The following ODAD2 variants were observed in gnomAD, a reference collection of about 807,000 sequenced individuals.
The protein encoded by ODAD2 is outer dynein arm docking complex subunit 2.
ODAD2 carries 89 observed loss-of-function variants against 106.8 expected under a neutral mutation model. That is an observed-to-expected ratio of 0.83 (90% CI 0.70 to 0.99). The LOEUF is 0.99. Among genes scored for constraint, ODAD2 ranks in the 50% least tolerant of loss-of-function variants. ODAD2 has a pLI of 0.00. For synonymous variants in ODAD2, 404 were observed against 436.2 expected (o/e 0.93, Z 0.92); for missense variants, 1,168 against 1,238.5 (o/e 0.94, Z 0.85).
At chr10:27,960,326 A>G in intron 10 of ODAD2, among the ~76,000 whole-genome samples, 1 of 110,206 alleles carries the variant, frequency 9.1e-6, no homozygotes, top group South Asian at 2.9e-4. Context: ...TATTATTATT[A>G]TTATTATTAT....
intron 4 of ODAD2, 89 bp from the exon 5 acceptor site, chr10:27,984,379 T>C (rs1849746430): frequency 5.5e-6 from 5 of 905,894 alleles, no homozygotes; most frequent in Non-Finnish European, 8.6e-6. Context: ...AGGAGAAATA[T>C]CTTTTTTGTA....
chr10:27,889,633 C>T (rs891544633), intron 17 of ODAD2, among the ~76,000 whole-genome samples: 6 of 152,124 alleles, frequency 3.9e-5, no homozygotes, highest in African/African-American at 1.4e-4. Flanking sequence ...TCCCTCAGTC[C>T]CACTGTCCCA....
chr10:27,878,009 G>C (rs927475827), intron 17 of ODAD2, among the ~76,000 whole-genome samples: 2 of 152,088 alleles, frequency 1.3e-5, no homozygotes, highest in African/African-American at 4.8e-5. Flanking sequence ...ACTATACACT[G>C]TGCACTTAAG....
At chr10:27,840,743 A>T (rs1589797208) in intron 19 of ODAD2, among the ~76,000 whole-genome samples, 2 of 152,222 alleles carry the variant, frequency 1.3e-5, no homozygotes, top group Admixed American at 1.3e-4. Flanking sequence ...GGCAGTTGGA[A>T]AAAAGATGCT....
intron 2 of ODAD2, among the ~76,000 whole-genome samples, chr10:27,991,708 A>G (rs1285649831): frequency 6.6e-6 from 1 of 152,190 alleles, no homozygotes; most frequent in African/African-American, 2.4e-5. Flanking sequence ...ACCCACAAGG[A>G]GAGGCATCCT....
chr10:27,993,369 G>A (rs1850345432), intron 2 of ODAD2, among the ~76,000 whole-genome samples: 1 of 152,188 alleles, frequency 6.6e-6, no homozygotes, highest in Admixed American at 6.5e-5. Context: ...AAGATTTCAG[G>A]CCGGGCGTGG....
At chr10:27,977,691 T>C (rs565871641) in intron 7 of ODAD2, among the ~76,000 whole-genome samples, 2 of 151,814 alleles carry the variant, frequency 1.3e-5, no homozygotes, top group Non-Finnish European at 2.9e-5. Flanking sequence ...CTGTTGCAAC[T>C]CAATAAAAAA....
intron 17 of ODAD2, among the ~76,000 whole-genome samples, chr10:27,872,047 A>C (rs941883074): frequency 1.3e-5 from 2 of 152,170 alleles, no homozygotes; most frequent in Non-Finnish European, 2.9e-5. Context: ...AGTGGTTTGC[A>C]GTTCTCCTTG....
At chr10:27,947,194 T>C (rs1846997136) in intron 10 of ODAD2, among the ~76,000 whole-genome samples, 1 of 152,174 alleles carries the variant, frequency 6.6e-6, no homozygotes, top group African/African-American at 2.4e-5. Flanking sequence ...AATCCTCTCT[T>C]TATAACTGTC....
Position 27,984,267 on chromosome 10 carries a change from G to A in ODAD2, c.599C>T (p.Thr200Met), listed in dbSNP as rs780980740. The stretch of plus-strand genomic sequence containing the variant: ...GAGCAGTTCTATATCCTTCTTCACC[G>A]TCATGGGACTTAAACTTATTTCTCT... ...ISLEISLSPM[T>M]VKKDIELLKR... The change falls in exon 5 of 20, where the codon ACG becomes ATG. Residue 200 changes from threonine (T) to methionine (M), a missense_variant. Thr to Met is a moderately conservative substitution (Grantham distance 81). This residue lies in a region of ODAD2 where 430 missense variants were observed against 452.2 expected (regional missense o/e 0.95). Transcript: ENST00000305242. 5.0e-6 allele frequency: 8 copies of A among 1,612,312 alleles called. No homozygotes were observed. The highest frequency in any genetic ancestry group is 2.2e-5 in the East Asian group (1 of 44,824).
intron 17 of ODAD2, among the ~76,000 whole-genome samples, chr10:27,896,277 T>C (rs1340485915): frequency 6.6e-6 from 1 of 152,214 alleles, no homozygotes; most frequent in East Asian, 1.9e-4. Flanking sequence ...CAGTGCTCAT[T>C]GTTGAAATAA....
chr10:27,887,096 T>C (rs1454978047), intron 17 of ODAD2, among the ~76,000 whole-genome samples: 1 of 151,972 alleles, frequency 6.6e-6, no homozygotes, highest in African/African-American at 2.4e-5. Context: ...AAAACAATTC[T>C]ACAATATATT....
At chr10:27,859,387 T>A (rs565576552) in intron 19 of ODAD2, among the ~76,000 whole-genome samples, 1 of 152,270 alleles carries the variant, frequency 6.6e-6, no homozygotes, top group South Asian at 2.1e-4. Flanking sequence ...TTCAGAAAAA[T>A]TAACATCATA....
chr10:27,941,680 T>G (rs1192463827), intron 12 of ODAD2, among the ~76,000 whole-genome samples: 2 of 148,788 alleles, frequency 1.3e-5, no homozygotes, highest in Admixed American at 1.4e-4. Flanking sequence ...TTAAGCAGTA[T>G]GTCAGGTTGC....
In ODAD2 at chr10:27,985,215, C is replaced by T. The variant is rs1348148762; in HGVS notation, c.383-4G>A. ...TTTACTATGGGGTCTCTGTTAGCTG[C>T]CAAAAAAAAAAAAAAGGAGACAAAT... On this transcript the variant is annotated splice_polypyrimidine_tract_variant and splice_region_variant and intron_variant, in intron 3 of 19. Transcript: ENST00000305242. The T allele has an allele frequency of 1.5e-6, 2 of 1,365,056 alleles. No individual in the cohort carries two copies. Among genetic ancestry groups the T allele is most frequent in the Non-Finnish European group, 9.4e-7 (1 of 1,059,082 alleles). The allele number at this position is 1,365,056 out of a possible 1,614,324, so 84.6% of individuals were successfully genotyped here. A position where few individuals can be genotyped will look rare whatever the true frequency, so the allele number is the denominator to read the frequency against.
In ODAD2 at chr10:27,852,960, CAAA is replaced by C. The variant is rs61548333; in HGVS notation, c.3021+7662_3021+7664del. 2.5e-3 allele frequency among the ~76,000 whole-genome samples: 213 copies of C among 84,738 alleles called. 1 individual carries two copies. The highest frequency in any genetic ancestry group is 0.021 in the South Asian group (54 of 2,544). The allele number at this position is 84,738 out of a possible 152,430, so 55.6% of individuals were successfully genotyped here. A position where few individuals can be genotyped will look rare whatever the true frequency, so the allele number is the denominator to read the frequency against. On this transcript the variant is annotated intron_variant, in intron 19 of 19. Coordinates refer to ENST00000305242, the MANE Select transcript of ODAD2 (RefSeq NM_018076.5). ...TGGGTGACAGAACGAGACACAGTCT[CAAA>C]AAAAAAAAAAAAAAAAAGAAAAGCT...
chr10:27,988,399 G>A (rs1416704264), intron 2 of ODAD2, among the ~76,000 whole-genome samples: 3 of 148,792 alleles, frequency 2.0e-5, no homozygotes, highest in Non-Finnish European at 4.4e-5. Context: ...GTGCAGTGGC[G>A]TGATCTCGGG....
chr10:27,814,583 A>T (rs1835983364), intron 19 of ODAD2, among the ~76,000 whole-genome samples: 1 of 152,120 alleles, frequency 6.6e-6, no homozygotes, highest in Admixed American at 6.5e-5. Context: ...AAACTCTCTG[A>T]CCACAATGTC....
intron 19 of ODAD2, among the ~76,000 whole-genome samples, chr10:27,823,149 G>C (rs1307659231): frequency 1.3e-5 from 2 of 152,204 alleles, no homozygotes. Context: ...CCTGCCCAGG[G>C]CAGAAGCTCA....
Sources: allele counts gnomAD v4.1 joint callset (sites outside exome capture counted in the v4.1 genomes callset), GRCh38; gene constraint gnomAD v4.1.1; regional missense constraint gnomAD v4.1.1; transcripts MANE v1.5; gene names NCBI Gene and HGNC (gene_info 2026-07-23, HGNC 2026-07-21).